MSI2: variants seen among roughly 807,000 people sequenced by gnomAD.
MSI2 encodes the protein RNA-binding protein Musashi homolog 2.
A neutral mutation model predicts 45.6 loss-of-function variants in MSI2; 17 were observed. That is an observed-to-expected ratio of 0.37 (90% confidence interval 0.26 to 0.56). The LOEUF (loss-of-function observed/expected upper bound fraction) is 0.56. MSI2 is among the 20% of genes least tolerant of loss of function. MSI2 has a pLI of 0.77. For missense variants in MSI2, 293 were observed against 444.2 expected, an observed-to-expected ratio of 0.66 and a Z score of 3.06; for synonymous variants, 156 against 158.2, an observed-to-expected ratio of 0.99 and a Z score of 0.11.
chr17:57,264,947 G>T (rs746288063), intron 5 of MSI2: 5 of 152,242 alleles, frequency 3.3e-5, no homozygotes, highest in Non-Finnish European at 5.9e-5. Context: ...ACCAGTGTGT[G>T]ACACTGTCTT....
At chr17:57,530,330 T>C (rs1042437674) in intron 7 of MSI2, among the ~76,000 whole-genome samples, 1 of 152,188 alleles carries the variant, frequency 6.6e-6, no homozygotes, top group African/African-American at 2.4e-5. Context: ...ACATGCAAAA[T>C]GTCATATGTT....
chr17:57,512,688 C>G (rs1307621973), intron 6 of MSI2, among the ~76,000 whole-genome samples: 1 of 152,166 alleles, frequency 6.6e-6, no homozygotes, highest in Non-Finnish European at 1.5e-5. Flanking sequence ...TGTGGCAGGA[C>G]ACGGCTGCCT....
At chr17:57,310,860 A>G (rs781195167) in intron 5 of MSI2, among the ~76,000 whole-genome samples, 2 of 152,260 alleles carry the variant, frequency 1.3e-5, no homozygotes, top group Non-Finnish European at 2.9e-5. Flanking sequence ...GCGCCTTGGC[A>G]TCAGATAGAC....
At chr17:57,579,868 A>G (rs1162852107) in intron 7 of MSI2, among the ~76,000 whole-genome samples, 1 of 152,190 alleles carries the variant, frequency 6.6e-6, no homozygotes, top group South Asian at 2.1e-4. Flanking sequence ...GACACAGCCA[A>G]TCAGTTGTGG....
intron 6 of MSI2, among the ~76,000 whole-genome samples, chr17:57,426,513 G>A (rs1435803628): frequency 1.3e-5 from 2 of 152,322 alleles, no homozygotes; most frequent in South Asian, 2.1e-4. Flanking sequence ...TAAAGTTTTA[G>A]CATTAGGAGG....
chr17:57,335,231 T>C (rs1914613259), intron 5 of MSI2, among the ~76,000 whole-genome samples: 1 of 151,858 alleles, frequency 6.6e-6, no homozygotes, highest in South Asian at 2.1e-4. Flanking sequence ...TCCTCTGAAG[T>C]GGATAATATA....
At chr17:57,376,439 T>A (rs2143994827) in intron 5 of MSI2, among the ~76,000 whole-genome samples, 1 of 152,308 alleles carries the variant, frequency 6.6e-6, no homozygotes, top group African/African-American at 2.4e-5. Flanking sequence ...TTTTCATTGC[T>A]CAAATCCCTT....
intron 5 of MSI2, among the ~76,000 whole-genome samples, chr17:57,324,659 G>C (rs1913636571): frequency 1.3e-5 from 2 of 152,132 alleles, no homozygotes; most frequent in South Asian, 2.1e-4. Context: ...TTCAGAGATG[G>C]GTGGCTGTAG....
chr17:57,695,509 A>C, the MSI2 span, among the ~76,000 whole-genome samples: 29 of 152,300 alleles, frequency 1.9e-4, no homozygotes, highest in South Asian at 5.8e-3. Flanking sequence ...AGTGAGACAA[A>C]GAAGACAGGT....
At chr17:57,687,599 T>C (rs990233887), downstream of MSI2, among the ~76,000 whole-genome samples, 5 of 151,974 alleles carry the variant, frequency 3.3e-5, no homozygotes, top group African/African-American at 1.2e-4. Flanking sequence ...ACTGAAATGA[T>C]AAATAAAGAT....
Position 57,627,056 on chromosome 17 carries a change from G to T in MSI2, c.653-173G>T. 1.6e-6 allele frequency: 1 copy of T among 637,802 alleles called. No individual in the cohort carries two copies. Among genetic ancestry groups the T allele is most frequent in the South Asian group, 1.9e-5 (1 of 51,556 alleles). 39.5% of individuals were successfully genotyped at this position (637,802 alleles called of 1,614,324 possible). On this transcript the variant is annotated intron_variant, in intron 9 of 13. Coordinates refer to ENST00000284073, the MANE Select transcript of MSI2 (RefSeq NM_138962.4). The surrounding 1 kb of genome is among the most constrained non-coding windows in gnomAD (Gnocchi z 4.6). ...AGCAACAGCTGACAGCAGCGCCCCC[G>T]GCCACAGGAGAGAGGTGACCCAGAC...
At chr17:57,391,299 T>G (rs928269242) in intron 5 of MSI2, among the ~76,000 whole-genome samples, 2 of 152,160 alleles carry the variant, frequency 1.3e-5, no homozygotes, top group African/African-American at 4.8e-5. Flanking sequence ...TTCTCAGGGT[T>G]ACGATTTCAC....
At chr17:57,301,389 C>T (rs1911406891) in intron 5 of MSI2, among the ~76,000 whole-genome samples, 1 of 152,176 alleles carries the variant, frequency 6.6e-6, no homozygotes. Context: ...TTTCCTTCCT[C>T]ACATATAAAA....
rs947602022 is a variant in MSI2, at chr17:57,619,731, G to A, written c.652+3647G>A. 4.6e-5 allele frequency among the ~76,000 whole-genome samples: 7 copies of A among 152,094 alleles called. No homozygotes were observed. In the South Asian group the frequency reaches 6.2e-4, roughly 13 times the overall value. Reference sequence around the variant, plus strand: ...GGTAGGAGACAGCACTGGTCCCTGCGCTTATCTGGACAGCATCTGAACAGC... The same window carrying A: ...GGTAGGAGACAGCACTGGTCCCTGCACTTATCTGGACAGCATCTGAACAGC... On this transcript the variant is annotated intron_variant, in intron 9 of 13. Coordinates refer to ENST00000284073, the MANE Select transcript of MSI2 (RefSeq NM_138962.4).
intron 5 of MSI2, among the ~76,000 whole-genome samples, chr17:57,328,759 T>A (rs1393061914): frequency 6.6e-6 from 1 of 151,788 alleles, no homozygotes; most frequent in Non-Finnish European, 1.5e-5. Context: ...AACCCACTTG[T>A]TTGATTATTG....
chr17:57,270,532 G>A (rs974883454), intron 5 of MSI2, among the ~76,000 whole-genome samples: 8 of 152,202 alleles, frequency 5.3e-5, no homozygotes, highest in African/African-American at 1.9e-4. Flanking sequence ...GTTAATTTTT[G>A]TTACCTGTTT....
chr17:57,625,178 A>G (rs1036145478), intron 9 of MSI2, among the ~76,000 whole-genome samples: 1 of 152,182 alleles, frequency 6.6e-6, no homozygotes, highest in Admixed American at 6.5e-5. Context: ...ATTTCAACAT[A>G]GAAATTTGGG....
chr17:57,589,329 G>A (rs1904606854), intron 7 of MSI2, among the ~76,000 whole-genome samples: 1 of 151,970 alleles, frequency 6.6e-6, no homozygotes, highest in East Asian at 1.9e-4. Context: ...TTTTTTTCTT[G>A]GAACATACTG....
At chr17:57,620,928 C>T (rs1448432024) in intron 9 of MSI2, among the ~76,000 whole-genome samples, 1 of 152,226 alleles carries the variant, frequency 6.6e-6, no homozygotes, top group East Asian at 1.9e-4. Flanking sequence ...ACAGAGCCTC[C>T]TCCTGAGCCC....
Sources: allele counts gnomAD v4.1 joint callset (sites outside exome capture counted in the v4.1 genomes callset), GRCh38; gene constraint gnomAD v4.1.1; non-coding constraint Gnocchi (gnomAD v3.1); transcripts MANE v1.5; gene names NCBI Gene and HGNC (gene_info 2026-07-23, HGNC 2026-07-21).